Variants in ZEB1 observed in about 807,000 individuals in gnomAD.
ZEB1 encodes the protein zinc finger E-box binding homeobox 1.
In ZEB1, 21 loss-of-function variants were observed where a neutral mutation model predicts 84.9. The observed-to-expected ratio is 0.25, with a 90% confidence interval of 0.18 to 0.36. ZEB1 has a LOEUF of 0.36. ZEB1 is among the 10% of genes least tolerant of loss of function. The pLI is 1.00. For synonymous variants in ZEB1, 420 were observed against 471.1 expected, an observed-to-expected ratio of 0.89 and a Z score of 1.41; for missense variants, 1,104 against 1,330.2, an observed-to-expected ratio of 0.83 and a Z score of 2.65.
Position 31,510,672 on chromosome 10 carries a change from G to A in ZEB1, c.485-1G>A. On this transcript the variant is annotated splice_acceptor_variant, in intron 4 of 8. Transcript: ENST00000424869. LOFTEE classifies it high-confidence loss of function. ...TAAAATATATGATCTTTCTTTTACA[G>A]GAACACCAGATGCATTTTCACAATT... 6.2e-7 allele frequency: 1 copy of A among 1,612,020 alleles called. No individual in the cohort carries two copies. The highest frequency in any genetic ancestry group is 8.5e-7 in the Non-Finnish European group (1 of 1,178,608).
chr10:31,475,023 GAC>G (rs2063880838), intron 2 of ZEB1, among the ~76,000 whole-genome samples: 2 of 127,954 alleles, frequency 1.6e-5, no homozygotes, highest in East Asian at 5.4e-4. Context: ...AGATCACATG[GAC>G]ACAGGAAGGG....
At chr10:31,335,516 A>ACAT (rs1239709273) in intron 1 of ZEB1, among the ~76,000 whole-genome samples, 6 of 152,218 alleles carry the variant, frequency 3.9e-5, no homozygotes, top group African/African-American at 1.4e-4. Flanking sequence ...AGAATTTACC[A>ACAT]CATCATCTGT....
At chr10:31,337,429 T>C (rs1422081134) in intron 1 of ZEB1, among the ~76,000 whole-genome samples, 1 of 152,070 alleles carries the variant, frequency 6.6e-6, no homozygotes, top group Non-Finnish European at 1.5e-5. Context: ...TTTATAGAAT[T>C]CTTTAATGTT....
At chr10:31,328,434 T>C (rs1158214216) in intron 1 of ZEB1, among the ~76,000 whole-genome samples, 1 of 152,208 alleles carries the variant, frequency 6.6e-6, no homozygotes, top group Non-Finnish European at 1.5e-5. Flanking sequence ...TTTCAACACA[T>C]GTTCATTTAA....
intron 1 of ZEB1, among the ~76,000 whole-genome samples, chr10:31,404,252 A>G (rs1427981870): frequency 6.6e-6 from 1 of 151,518 alleles, no homozygotes; most frequent in African/African-American, 2.4e-5. Flanking sequence ...TCTGTGCTCT[A>G]TTACAGTGAT....
chr10:31,469,126 T>A (rs947959170), intron 2 of ZEB1, among the ~76,000 whole-genome samples: 2 of 152,172 alleles, frequency 1.3e-5, no homozygotes, highest in African/African-American at 4.8e-5. Context: ...TTCAAAACAC[T>A]GTTGAAAGCC....
chr10:31,344,150 C>G (rs540628306), intron 1 of ZEB1, among the ~76,000 whole-genome samples: 1 of 152,018 alleles, frequency 6.6e-6, no homozygotes, highest in East Asian at 1.9e-4. Flanking sequence ...ACCATTTGAT[C>G]TGGTGTCTTT....
At chr10:31,318,834 C>G (rs1352301286), upstream of ZEB1, 1 of 340,872 alleles carries the variant, frequency 2.9e-6, no homozygotes, top group East Asian at 7.7e-5. Flanking sequence ...CTCCCTGCCC[C>G]GGGCAGCCGC....
Position 31,398,165 on chromosome 10 carries a change from T to C in ZEB1, c.59-62872T>C, listed in dbSNP as rs138460244. Among the ~76,000 whole-genome samples the C allele has an allele frequency of 7.0e-3, 1,063 of 152,266 alleles. 12 individuals are homozygous for C. The highest frequency in any genetic ancestry group is 0.023 in the African/African-American group (975 of 41,560). On this transcript the variant is annotated intron_variant, in intron 1 of 8. Transcript: ENST00000424869. ...AAGAAAAATATTAAAATATAATCTT[T>C]GTTTTAGAAGACACCACTTAAGGCA...
At chr10:31,497,358 G>C (rs924791795) in intron 3 of ZEB1, among the ~76,000 whole-genome samples, 1 of 152,088 alleles carries the variant, frequency 6.6e-6, no homozygotes, top group African/African-American at 2.4e-5. Flanking sequence ...GTACTGAATA[G>C]TATGTAAATT....
At chr10:31,420,340 G>T (rs2055945885) in intron 1 of ZEB1, among the ~76,000 whole-genome samples, 1 of 152,150 alleles carries the variant, frequency 6.6e-6, no homozygotes, top group Admixed American at 6.5e-5. Flanking sequence ...CAAGGTACCA[G>T]CCAGGCTACA....
chr10:31,486,411 T>C (rs970882270), intron 2 of ZEB1, among the ~76,000 whole-genome samples: 3 of 151,888 alleles, frequency 2.0e-5, no homozygotes, highest in East Asian at 3.9e-4. Flanking sequence ...TTTTTTACTT[T>C]AACCATTCTA....
At chr10:31,395,965 A>T (rs2050641041) in intron 1 of ZEB1, among the ~76,000 whole-genome samples, 2 of 152,194 alleles carry the variant, frequency 1.3e-5, no homozygotes, top group Non-Finnish European at 2.9e-5. Flanking sequence ...GGAACAACTA[A>T]GTAATCATGA....
intron 1 of ZEB1, among the ~76,000 whole-genome samples, chr10:31,435,549 T>G (rs568768154): frequency 1.3e-5 from 2 of 152,220 alleles, no homozygotes; most frequent in Non-Finnish European, 2.9e-5. Context: ...CATGGAAGTC[T>G]TCTTTGGAAC....
intron 2 of ZEB1, among the ~76,000 whole-genome samples, chr10:31,469,618 C>T (rs988033820): frequency 8.5e-5 from 13 of 152,208 alleles, no homozygotes; most frequent in African/African-American, 3.1e-4. Context: ...AACTGCAAGG[C>T]AGCAGCGAGG....
intron 3 of ZEB1, among the ~76,000 whole-genome samples, chr10:31,497,361 T>A (rs956293400): frequency 8.5e-5 from 13 of 152,162 alleles, no homozygotes; most frequent in Admixed American, 8.5e-4. Flanking sequence ...CTGAATAGTA[T>A]GTAAATTTCC....
intron 4 of ZEB1, among the ~76,000 whole-genome samples, chr10:31,509,015 T>A (rs984988508): frequency 2.0e-5 from 3 of 152,092 alleles, no homozygotes; most frequent in African/African-American, 7.2e-5. Context: ...TGTGTGCAGC[T>A]CCTCTGCTGG....
chr10:31,392,647 A>C (rs895034242), intron 1 of ZEB1, among the ~76,000 whole-genome samples: 4 of 152,094 alleles, frequency 2.6e-5, no homozygotes, highest in Non-Finnish European at 5.9e-5. Context: ...AAGTCTGCCT[A>C]GTTTAAGATC....
chr10:31,428,482 T>C (rs184298187), intron 1 of ZEB1, among the ~76,000 whole-genome samples: 1 of 152,362 alleles, frequency 6.6e-6, no homozygotes, highest in African/African-American at 2.4e-5. Context: ...TCCAATTATG[T>C]GAGCAGTTTT....
Sources: allele counts gnomAD v4.1 joint callset (sites outside exome capture counted in the v4.1 genomes callset), GRCh38; gene constraint gnomAD v4.1.1; transcripts MANE v1.5; gene names NCBI Gene and HGNC (gene_info 2026-07-23, HGNC 2026-07-21).